Variants in ADAMTS12 observed in about 807,000 individuals in gnomAD.
The protein encoded by ADAMTS12 is ADAM metallopeptidase with thrombospondin type 1 motif 12, also known as A disintegrin and metalloproteinase with thrombospondin motifs 12.
Under a neutral mutation model 167.8 loss-of-function variants are expected in ADAMTS12, and 118 were observed. The ratio of observed to expected loss-of-function variants is 0.70; its 90% confidence interval spans 0.61 to 0.82. The LOEUF (loss-of-function observed/expected upper bound fraction) is 0.82. Ranked by LOEUF, ADAMTS12 falls within the 40% of genes least tolerant of loss-of-function variation. The pLI, the probability that ADAMTS12 is intolerant of heterozygous loss-of-function variation, is 0.00. For missense variants in ADAMTS12, 1,916 were observed against 1,998.8 expected, an observed-to-expected ratio of 0.96 and a Z score of 0.79; for synonymous variants, 704 against 716.9, an observed-to-expected ratio of 0.98 and a Z score of 0.29.
chr5:33,881,376 T>TGAG lies in ADAMTS12; in HGVS notation c.231_232insCTC (p.Ser77_Ser78insLeu), dbSNP rs1435373891. 1 of 1,614,224 alleles carries TGAG rather than the reference T, an allele frequency of 6.2e-7. No individual in the cohort carries two copies. Among genetic ancestry groups the TGAG allele is most frequent in the African/African-American group, 1.3e-5 (1 of 75,058 alleles). On this transcript the variant is annotated inframe_insertion, in exon 2 of 24. Transcript: ENST00000504830. Reference sequence around the variant, plus strand: ...CCATCCAAATCTCTCTTCCTCCTGCTGCTCGTGATGGGATAGTGCAAGCCA... The same window carrying TGAG: ...CCATCCAAATCTCTCTTCCTCCTGCTGAGGCTCGTGATGGGATAGTGCAAGCCA...
chr5:33,810,914 C>G lies in ADAMTS12; in HGVS notation c.490-59366G>C, dbSNP rs117686056. 2.2e-3 allele frequency among the ~76,000 whole-genome samples: 334 copies of G among 152,330 alleles called. 12 individuals are homozygous for G. The East Asian group carries it at 0.061, about 28-fold the overall frequency. On this transcript the variant is annotated intron_variant, in intron 2 of 23. Transcript: ENST00000504830. ...ATATCTAAATTAAGTCCTGGTCACT[C>G]CCTGTGCTCCTTGTCCCACCTCTTT...
Position 33,799,047 on chromosome 5 carries a change from T to A in ADAMTS12, c.490-47499A>T, listed in dbSNP as rs772176800. 6.6e-4 allele frequency among the ~76,000 whole-genome samples: 100 copies of A among 152,232 alleles called. 1 individual carries two copies. The highest frequency in any genetic ancestry group is 1.2e-3 in the Non-Finnish European group (80 of 68,026). The stretch of plus-strand genomic sequence containing the variant: ...ACTTGTGGACAAGACACTTTCCCCA[T>A]GAACACAGGGCTCACAGGGCAAATA... On this transcript the variant is annotated intron_variant, in intron 2 of 23. Coordinates refer to ENST00000504830, the MANE Select transcript of ADAMTS12 (RefSeq NM_030955.4).
intron 9 of ADAMTS12, 87 bp downstream of exon 9, chr5:33,648,735 C>A: frequency 9.1e-7 from 1 of 1,097,212 alleles, no homozygotes; most frequent in South Asian, 1.4e-5. Context: ...TCTGGATGTT[C>A]AGTTATTTCC....
At chr5:33,693,671 A>G (rs1214275552) in intron 3 of ADAMTS12, among the ~76,000 whole-genome samples, 1 of 145,502 alleles carries the variant, frequency 6.9e-6, no homozygotes, top group East Asian at 2.1e-4. Flanking sequence ...CATACCTCAC[A>G]ATATAAAGAG....
chr5:33,850,879 T>C (rs1210317906), intron 2 of ADAMTS12, among the ~76,000 whole-genome samples: 1 of 152,170 alleles, frequency 6.6e-6, no homozygotes, highest in African/African-American at 2.4e-5. Context: ...TATCACCCCA[T>C]GAGGTGATAT....
At chr5:33,769,635 C>G (rs1745669970) in intron 2 of ADAMTS12, among the ~76,000 whole-genome samples, 1 of 152,146 alleles carries the variant, frequency 6.6e-6, no homozygotes, top group African/African-American at 2.4e-5. Flanking sequence ...CCAAGTTTGG[C>G]AAGGTTCAAA....
chr5:33,836,149 A>C (rs1748518839), intron 2 of ADAMTS12, among the ~76,000 whole-genome samples: 1 of 152,204 alleles, frequency 6.6e-6, no homozygotes, highest in Non-Finnish European at 1.5e-5. Context: ...GCGTGTGAGC[A>C]CAGAATCTGA....
intron 12 of ADAMTS12, among the ~76,000 whole-genome samples, chr5:33,634,216 T>TAGA (rs1740088365): frequency 6.6e-6 from 1 of 152,186 alleles, no homozygotes; most frequent in South Asian, 2.1e-4. Flanking sequence ...GTGAGTTTCA[T>TAGA]CATTTTAAAG....
intron 3 of ADAMTS12, among the ~76,000 whole-genome samples, chr5:33,700,363 T>G (rs1374967728): frequency 6.6e-6 from 1 of 152,186 alleles, no homozygotes; most frequent in Non-Finnish European, 1.5e-5. Flanking sequence ...AACAAACTCT[T>G]GATGGACACA....
intron 2 of ADAMTS12, among the ~76,000 whole-genome samples, chr5:33,853,515 A>G (rs373958268): frequency 1.3e-5 from 2 of 152,210 alleles, no homozygotes; most frequent in South Asian, 4.1e-4. Flanking sequence ...AAGGATGACA[A>G]TGAATGGGTA....
At chr5:33,674,859 C>CA (rs1219816137) in intron 5 of ADAMTS12, among the ~76,000 whole-genome samples, 1 of 152,128 alleles carries the variant, frequency 6.6e-6, no homozygotes, top group Non-Finnish European at 1.5e-5. Context: ...AATCTCCCCT[C>CA]AAAAACTCAT....
intron 2 of ADAMTS12, among the ~76,000 whole-genome samples, chr5:33,797,849 C>T (rs146427745): frequency 2.0e-4 from 31 of 152,274 alleles, no homozygotes; most frequent in South Asian, 4.1e-4. Context: ...ATATGCTACA[C>T]AAACATATAC....
chr5:33,682,488 ATAAGACTTACATTTAAGTCTTATATAT>A (rs565945662), intron 5 of ADAMTS12, among the ~76,000 whole-genome samples: 19 of 152,344 alleles, frequency 1.2e-4, no homozygotes, highest in African/African-American at 4.1e-4. Flanking sequence ...TTACATTTAT[ATAAGACTTACATTTAAGTCTTATATAT>A]TAAGACTTAC....
chr5:33,619,744 G>T (rs1318813689), intron 14 of ADAMTS12, among the ~76,000 whole-genome samples: 1 of 152,022 alleles, frequency 6.6e-6, no homozygotes, highest in Non-Finnish European at 1.5e-5. Context: ...CACCAGGCTG[G>T]AGTGCAGTGG....
chr5:33,642,859 C>T (rs1473371808), intron 10 of ADAMTS12, among the ~76,000 whole-genome samples: 1 of 152,232 alleles, frequency 6.6e-6, no homozygotes, highest in Admixed American at 6.5e-5. Flanking sequence ...TCTAGGCCCA[C>T]AAGGAACCCA....
At chr5:33,829,452 C>T (rs747991591) in intron 2 of ADAMTS12, among the ~76,000 whole-genome samples, 1 of 152,092 alleles carries the variant, frequency 6.6e-6, no homozygotes, top group African/African-American at 2.4e-5. Context: ...TCCTTCTTCT[C>T]TTCTCACCAG....
At chr5:33,726,193 C>A (rs1743974899) in intron 3 of ADAMTS12, among the ~76,000 whole-genome samples, 1 of 152,180 alleles carries the variant, frequency 6.6e-6, no homozygotes, top group African/African-American at 2.4e-5. Context: ...GCCTTAAATG[C>A]AGCAATCTGG....
In ADAMTS12 at chr5:33,549,981, A is replaced by C. The variant is rs137990512; in HGVS notation, c.4126-598T>G. Among the ~76,000 whole-genome samples, 747 of 152,346 alleles carry C rather than the reference A, an allele frequency of 4.9e-3. 10 individuals carry two copies. Among genetic ancestry groups the C allele is most frequent in the African/African-American group, 0.016 (673 of 41,572 alleles). On this transcript the variant is annotated intron_variant, in intron 20 of 23. Coordinates refer to ENST00000504830, the MANE Select transcript of ADAMTS12 (RefSeq NM_030955.4). Reference sequence around the variant, plus strand: ...GTTTGACTCATGGGTGTGAGCAAACACTGTCCTTGCCTCCACCGTCACCAT... The same window carrying C: ...GTTTGACTCATGGGTGTGAGCAAACCCTGTCCTTGCCTCCACCGTCACCAT...
intron 2 of ADAMTS12, among the ~76,000 whole-genome samples, chr5:33,849,320 T>TATATATATGTATTGAATAGCA (rs1749099635): frequency 4.0e-5 from 3 of 75,742 alleles, no homozygotes; most frequent in Non-Finnish European, 8.7e-5. Flanking sequence ...ATTGCATAGC[T>TATATATATGTATTGAATAGCA]ATATATATAT....
Sources: allele counts gnomAD v4.1 joint callset (sites outside exome capture counted in the v4.1 genomes callset), GRCh38; gene constraint gnomAD v4.1.1; transcripts MANE v1.5; gene names NCBI Gene and HGNC (gene_info 2026-07-23, HGNC 2026-07-21).